The following CSMD1 variants were observed in gnomAD, a reference collection of about 807,000 sequenced individuals.
The protein encoded by CSMD1 is CUB and sushi domain-containing protein 1.
In CSMD1, 213 loss-of-function variants were observed where a neutral mutation model predicts 417.5. That is an observed-to-expected ratio of 0.51 (90% CI 0.46 to 0.57). The LOEUF (loss-of-function observed/expected upper bound fraction) is 0.57. Among genes scored for constraint, CSMD1 ranks in the 20% least tolerant of loss-of-function variants. The pLI, the probability that CSMD1 is intolerant of heterozygous loss-of-function variation, is 0.00. For synonymous variants in CSMD1, 2,862 were observed against 1,736.8 expected (o/e 1.65, Z -16.11); for missense variants, 6,923 against 4,529.7 (o/e 1.53, Z -15.17).
At chr8:4,459,881 C>T (rs565709140) in intron 2 of CSMD1, among the ~76,000 whole-genome samples, 22 of 152,124 alleles carry the variant, frequency 1.4e-4, no homozygotes, top group Admixed American at 3.9e-4. Context: ...ATATATAAAA[C>T]AGAACCTGAC....
chr8:4,284,959 C>G (rs1442181417), intron 3 of CSMD1, among the ~76,000 whole-genome samples: 2 of 152,146 alleles, frequency 1.3e-5, no homozygotes, highest in African/African-American at 2.4e-5. Flanking sequence ...GGCAAAGTAA[C>G]CTCACCTCAC....
At chr8:3,879,146 G>C (rs1806035133) in intron 5 of CSMD1, among the ~76,000 whole-genome samples, 1 of 152,016 alleles carries the variant, frequency 6.6e-6, no homozygotes, top group South Asian at 2.1e-4. Flanking sequence ...TGTTTTATTA[G>C]TACTATCAAA....
intron 5 of CSMD1, among the ~76,000 whole-genome samples, chr8:3,762,435 T>G (rs1331188583): frequency 2.0e-5 from 3 of 152,202 alleles, no homozygotes; most frequent in Non-Finnish European, 4.4e-5. Flanking sequence ...ACTTACCCTT[T>G]GCAGACATTT....
intron 20 of CSMD1, among the ~76,000 whole-genome samples, chr8:3,363,512 C>CCTAT (rs1554526004): frequency 6.6e-6 from 1 of 150,656 alleles, no homozygotes; most frequent in Non-Finnish European, 1.5e-5. Context: ...TGTAGAAAGG[C>CCTAT]TTATTTATTT....
intron 5 of CSMD1, among the ~76,000 whole-genome samples, chr8:3,987,562 G>A (rs1277139397): frequency 2.0e-5 from 3 of 152,164 alleles, no homozygotes; most frequent in Non-Finnish European, 4.4e-5. Context: ...GCTACGAAGG[G>A]GAGGAACACC....
At chr8:3,504,231 A>G (rs1473137322) in intron 10 of CSMD1, among the ~76,000 whole-genome samples, 2 of 140,198 alleles carry the variant, frequency 1.4e-5, no homozygotes, top group African/African-American at 2.8e-5. Flanking sequence ...ATTATTATGT[A>G]TTAATTAACA....
intron 1 of CSMD1, among the ~76,000 whole-genome samples, chr8:4,845,345 G>A (rs909586366): frequency 6.6e-6 from 1 of 152,070 alleles, no homozygotes; most frequent in East Asian, 1.9e-4. Context: ...GCTAGCCAGG[G>A]GATACATATC....
Position 2,957,813 on chromosome 8 carries a change from G to C in CSMD1, c.9703-6C>G. 8 of 1,561,736 alleles carry C rather than the reference G, an allele frequency of 5.1e-6. No homozygotes were observed. Among genetic ancestry groups the C allele is most frequent in the Non-Finnish European group, 7.0e-6 (8 of 1,147,420 alleles). ...AAAAAAACCGTGCTTCCAACCTAGA[G>C]AGGAAATCCAATACTAGCTTCAGAG... On this transcript the variant is annotated splice_region_variant and splice_polypyrimidine_tract_variant and intron_variant, in intron 62 of 69. Transcript: ENST00000635120.
At chr8:4,280,714 G>A (rs1329171769) in intron 3 of CSMD1, among the ~76,000 whole-genome samples, 3 of 152,102 alleles carry the variant, frequency 2.0e-5, no homozygotes, top group Admixed American at 6.5e-5. Flanking sequence ...GCAATACCGT[G>A]TAAGCCATAA....
chr8:3,686,531 T>C lies in CSMD1; in HGVS notation c.1009+21883A>G, dbSNP rs552034841. Among the ~76,000 whole-genome samples the C allele has an allele frequency of 8.3e-4, 127 of 152,280 alleles. 1 individual carries two copies. The highest frequency in any genetic ancestry group is 2.8e-3 in the Admixed American group (43 of 15,298). ...TTACAAGATCATGTCATTCTGTTCA[T>C]TGAAAGCAGGAGATAGAATTCCCAT... On this transcript the variant is annotated intron_variant, in intron 7 of 69. Transcript: ENST00000635120.
At chr8:3,436,847 A>G (rs932533926) in intron 12 of CSMD1, among the ~76,000 whole-genome samples, 3 of 152,186 alleles carry the variant, frequency 2.0e-5, no homozygotes, top group Non-Finnish European at 2.9e-5. Context: ...CTAATATGTT[A>G]TGATTCGGGA....
At chr8:4,405,395 C>T (rs763294944) in intron 3 of CSMD1, among the ~76,000 whole-genome samples, 10 of 152,070 alleles carry the variant, frequency 6.6e-5, no homozygotes, top group African/African-American at 1.4e-4. Flanking sequence ...TTGTTACCTG[C>T]GTGAACATAA....
intron 7 of CSMD1, among the ~76,000 whole-genome samples, chr8:3,652,389 C>T (rs761092779): frequency 4.3e-4 from 66 of 152,224 alleles, no homozygotes; most frequent in Non-Finnish European, 8.2e-4. Flanking sequence ...TTAGCACCAT[C>T]ACAAATACGT....
chr8:3,947,498 G>T (rs1378195732), intron 5 of CSMD1, among the ~76,000 whole-genome samples: 2 of 151,992 alleles, frequency 1.3e-5, no homozygotes, highest in Admixed American at 6.6e-5. Flanking sequence ...TAGGTAATAT[G>T]TACTTCATAT....
intron 3 of CSMD1, among the ~76,000 whole-genome samples, chr8:4,234,956 G>C (rs998596731): frequency 2.6e-5 from 4 of 152,136 alleles, no homozygotes; most frequent in South Asian, 4.2e-4. Flanking sequence ...TCTAAGGGCG[G>C]GGTGTTCATG....
intron 18 of CSMD1, among the ~76,000 whole-genome samples, chr8:3,374,363 C>G (rs553999624): frequency 3.3e-5 from 5 of 152,232 alleles, no homozygotes; most frequent in African/African-American, 1.2e-4. Flanking sequence ...CTAATGTTTT[C>G]CAAACACTCA....
intron 5 of CSMD1, among the ~76,000 whole-genome samples, chr8:3,852,992 T>A (rs535177428): frequency 1.3e-5 from 2 of 152,254 alleles, no homozygotes; most frequent in South Asian, 4.1e-4. Context: ...AGAGTGTTCT[T>A]GACTTGACAT....
intron 54 of CSMD1, among the ~76,000 whole-genome samples, chr8:2,987,159 T>A (rs934927483): frequency 6.6e-6 from 1 of 152,060 alleles, no homozygotes; most frequent in Non-Finnish European, 1.5e-5. Flanking sequence ...ACAGCTTATA[T>A]TAAGGGCATT....
At chr8:4,222,297 T>G (rs1801077321) in intron 3 of CSMD1, among the ~76,000 whole-genome samples, 2 of 152,142 alleles carry the variant, frequency 1.3e-5, no homozygotes, top group African/African-American at 2.4e-5. Context: ...CTTTTAATTT[T>G]TAGGCAATTT....
Sources: allele counts gnomAD v4.1 joint callset (sites outside exome capture counted in the v4.1 genomes callset), GRCh38; gene constraint gnomAD v4.1.1; transcripts MANE v1.5; gene names NCBI Gene and HGNC (gene_info 2026-07-23, HGNC 2026-07-21).